ENPP1: variants seen among roughly 807,000 people sequenced by gnomAD.
ENPP1 encodes ectonucleotide pyrophosphatase/phosphodiesterase family member 1.
In ENPP1, 73 loss-of-function variants were observed where a neutral mutation model predicts 122.8. The observed-to-expected ratio is 0.59, with a 90% confidence interval of 0.49 to 0.72. The LOEUF is 0.72. Among genes scored for constraint, ENPP1 ranks in the 30% least tolerant of loss-of-function variants. The probability of loss-of-function intolerance (pLI) is 0.00; values close to 1 mark genes in which losing one functional copy is unlikely to be tolerated. For synonymous variants in ENPP1, 367 were observed against 391.6 expected (o/e 0.94, Z 0.74); for missense variants, 978 against 1,128.1 (o/e 0.87, Z 1.91).
chr6:131,884,306 A>G (rs1369883321), intron 22 of ENPP1, among the ~76,000 whole-genome samples: 1 of 152,206 alleles, frequency 6.6e-6, no homozygotes, highest in Non-Finnish European at 1.5e-5. Context: ...AAATCGGAAT[A>G]ATATGCCTTG....
chr6:131,849,063 C>T (rs1375295919), intron 2 of ENPP1, among the ~76,000 whole-genome samples: 1 of 151,646 alleles, frequency 6.6e-6, no homozygotes. Flanking sequence ...TCTCATTGTC[C>T]TAATTTTCTA....
At chr6:131,816,448 A>G (rs1265342627) in intron 1 of ENPP1, among the ~76,000 whole-genome samples, 1 of 152,230 alleles carries the variant, frequency 6.6e-6, no homozygotes, top group African/African-American at 2.4e-5. Flanking sequence ...TTCTAAGCAT[A>G]AATCTTGTGC....
chr6:131,872,406 A>G (rs987557358), intron 14 of ENPP1, among the ~76,000 whole-genome samples: 3 of 152,190 alleles, frequency 2.0e-5, no homozygotes, highest in African/African-American at 7.2e-5. Flanking sequence ...CTGTACCACC[A>G]TAAACACCAT....
intron 1 of ENPP1, among the ~76,000 whole-genome samples, chr6:131,842,164 G>A (rs1375361556): frequency 1.3e-5 from 2 of 152,070 alleles, no homozygotes; most frequent in Admixed American, 6.5e-5. Context: ...TGTGTTAATC[G>A]TAATCTGTCT....
At chr6:131,887,920 G>A (rs113534866) in intron 24 of ENPP1, among the ~76,000 whole-genome samples, 9,481 of 143,894 alleles carry the variant, frequency 0.066, 771 homozygotes, top group African/African-American at 0.2. Context: ...GAAGGCAGTG[G>A]CGTGATCTCG....
intron 12 of ENPP1, 42 bp from the exon 13 acceptor site, chr6:131,869,316 G>T (rs771679675): frequency 6.2e-7 from 1 of 1,606,638 alleles, no homozygotes; most frequent in South Asian, 1.1e-5. Context: ...TAAATTTTTT[G>T]TTAAAGTTAC....
At chr6:131,841,571 G>A (rs959794651) in intron 1 of ENPP1, among the ~76,000 whole-genome samples, 9 of 152,064 alleles carry the variant, frequency 5.9e-5, no homozygotes, top group Non-Finnish European at 1.2e-4. Context: ...GAAAATTAGG[G>A]GATTTATGGT....
intron 1 of ENPP1, among the ~76,000 whole-genome samples, chr6:131,823,639 C>T (rs1290894174): frequency 1.3e-5 from 2 of 151,838 alleles, no homozygotes; most frequent in African/African-American, 4.8e-5. Context: ...CCCACCAAGA[C>T]CCAACTCAAT....
intron 13 of ENPP1, among the ~76,000 whole-genome samples, chr6:131,870,560 C>G (rs963836395): frequency 6.6e-6 from 1 of 151,940 alleles, no homozygotes; most frequent in African/African-American, 2.4e-5. Flanking sequence ...TGACAATTAC[C>G]GGAATTGGGT....
At position 131,875,114 on chromosome 6, in the gene ENPP1, T is replaced by C. The variant is rs117551754; in HGVS notation, c.1636-662T>C. ...GAAATACCACTTATTGGGTACAATG[T>C]ACACTATTCTGGTGATGGGTAACAC... is the stretch of plus-strand genomic sequence containing the variant. On this transcript the variant is annotated intron_variant, in intron 16 of 24. Transcript: ENST00000647893. 7.3e-3 allele frequency among the ~76,000 whole-genome samples: 1,104 copies of C among 152,262 alleles called. 16 individuals are homozygous for C. The highest frequency in any genetic ancestry group is 0.024 in the African/African-American group (1,012 of 41,560).
chr6:131,853,026 A>G (rs917045584), intron 5 of ENPP1, among the ~76,000 whole-genome samples: 1 of 152,188 alleles, frequency 6.6e-6, no homozygotes, highest in African/African-American at 2.4e-5. Flanking sequence ...GAGGTCTACC[A>G]TCTCATACAT....
At chr6:131,825,505 C>T (rs181725075) in intron 1 of ENPP1, among the ~76,000 whole-genome samples, 216 of 152,238 alleles carry the variant, frequency 1.4e-3, no homozygotes, top group Non-Finnish European at 2.4e-3. Context: ...CAATGGCGCA[C>T]GGCTAGTCAC....
chr6:131,879,617 T>C (rs1782275729), intron 19 of ENPP1, among the ~76,000 whole-genome samples: 1 of 152,192 alleles, frequency 6.6e-6, no homozygotes, highest in Non-Finnish European at 1.5e-5. Context: ...TTGAATTAAC[T>C]GGAATATTTA....
At chr6:131,838,260 TATC>T (rs1781700681) in intron 1 of ENPP1, among the ~76,000 whole-genome samples, 1 of 152,186 alleles carries the variant, frequency 6.6e-6, no homozygotes, top group Non-Finnish European at 1.5e-5. Context: ...AGTGTAATGA[TATC>T]ATCACTGTGC....
intron 1 of ENPP1, 148 bp downstream of exon 1, chr6:131,808,423 G>T: frequency 9.1e-7 from 1 of 1,097,300 alleles, no homozygotes; most frequent in South Asian, 2.7e-5. Flanking sequence ...GCTCTCCTCC[G>T]CAGCCTTTGC....
At chr6:131,848,728 T>C (rs1781844083) in intron 2 of ENPP1, among the ~76,000 whole-genome samples, 1 of 152,174 alleles carries the variant, frequency 6.6e-6, no homozygotes, top group Non-Finnish European at 1.5e-5. Flanking sequence ...AAAATAACAA[T>C]TTTAATCCAA....
At chr6:131,883,854 A>C in intron 22 of ENPP1, 80 bp downstream of exon 22, 1 of 762,280 alleles carries the variant, frequency 1.3e-6, no homozygotes, top group Admixed American at 1.9e-5. Flanking sequence ...AATAGGACTT[A>C]TGGTCTAAAT....
chr6:131,834,598 T>C lies in ENPP1; in HGVS notation c.241-13178T>C, dbSNP rs1781651087. ...CACGCTGGAGTGCAGTGGCGTGATCTCAGCCCATTGCAACCTCCGCCTCCT... is the reference window on the plus strand; with the variant it reads ...CACGCTGGAGTGCAGTGGCGTGATCCCAGCCCATTGCAACCTCCGCCTCCT... On this transcript the variant is annotated intron_variant, in intron 1 of 24. Coordinates refer to ENST00000647893, the MANE Select transcript of ENPP1 (RefSeq NM_006208.3). Among the ~76,000 whole-genome samples, 5 of 150,950 alleles carry C rather than the reference T, an allele frequency of 3.3e-5. No homozygotes were observed. The South Asian group carries it at 1.1e-3, about 32-fold the overall frequency.
chr6:131,862,838 T>C (rs1782041187), intron 9 of ENPP1, among the ~76,000 whole-genome samples: 1 of 152,180 alleles, frequency 6.6e-6, no homozygotes. Context: ...TAATTTCTGA[T>C]CTTGTAGCTA....
Sources: allele counts gnomAD v4.1 joint callset (sites outside exome capture counted in the v4.1 genomes callset), GRCh38; gene constraint gnomAD v4.1.1; transcripts MANE v1.5; gene names NCBI Gene and HGNC (gene_info 2026-07-23, HGNC 2026-07-21).